STK32C: variants seen among roughly 807,000 people sequenced by gnomAD.
The protein encoded by STK32C is serine/threonine-protein kinase 32C.
STK32C carries 31 observed loss-of-function variants against 56.5 expected under a neutral mutation model. The ratio of observed to expected loss-of-function variants is 0.55; its 90% confidence interval spans 0.41 to 0.74. The LOEUF is 0.74. Among genes scored for constraint, STK32C ranks in the 30% least tolerant of loss-of-function variants. STK32C has a pLI of 0.00. For synonymous variants in STK32C, 309 were observed against 289.4 expected (o/e 1.07, Z -0.69); for missense variants, 544 against 676.9 (o/e 0.80, Z 2.18).
At chr10:132,316,193 A>T (rs1412494556) in intron 1 of STK32C, among the ~76,000 whole-genome samples, 1 of 152,218 alleles carries the variant, frequency 6.6e-6, no homozygotes, top group East Asian at 1.9e-4. Context: ...ATTAAAAAGA[A>T]AATAAATTGT....
intron 1 of STK32C, among the ~76,000 whole-genome samples, chr10:132,246,579 C>T (rs1034811582): frequency 1.3e-5 from 2 of 152,200 alleles, no homozygotes; most frequent in South Asian, 4.1e-4. Context: ...GTTCCGCAAG[C>T]CTGTGCGAAG....
At chr10:132,278,502 C>T (rs973040151) in intron 1 of STK32C, among the ~76,000 whole-genome samples, 2 of 152,168 alleles carry the variant, frequency 1.3e-5, no homozygotes, top group African/African-American at 4.8e-5. Context: ...TGGCTCACGC[C>T]TGTAATCCCA....
intron 2 of STK32C, among the ~76,000 whole-genome samples, chr10:132,235,502 A>G (rs1361424981): frequency 4.6e-5 from 7 of 151,074 alleles, no homozygotes; most frequent in African/African-American, 1.5e-4. Context: ...CTTAAAAAAA[A>G]AAAAAAAAAA....
intron 4 of STK32C, among the ~76,000 whole-genome samples, chr10:132,226,033 G>T (rs894079598): frequency 5.9e-5 from 9 of 152,232 alleles, no homozygotes; most frequent in African/African-American, 1.7e-4. Context: ...CCAGATGCTG[G>T]GAGGGGGCCT....
chr10:132,214,104 A>G (rs1050976052), intron 10 of STK32C, among the ~76,000 whole-genome samples: 1 of 150,518 alleles, frequency 6.6e-6, no homozygotes, highest in Admixed American at 6.7e-5. Flanking sequence ...TGAAATAATA[A>G]TGACTGGGAA....
At chr10:132,312,129 C>T (rs971690327), upstream of STK32C, among the ~76,000 whole-genome samples, 1 of 152,144 alleles carries the variant, frequency 6.6e-6, no homozygotes, top group East Asian at 1.9e-4. Flanking sequence ...ATCTCAGGCT[C>T]CTGAGTAGCT....
At chr10:132,237,191 ACTGTG>A (rs1392821744) in intron 2 of STK32C, among the ~76,000 whole-genome samples, 108 of 151,796 alleles carry the variant, frequency 7.1e-4, no homozygotes, top group Admixed American at 1.5e-3. Flanking sequence ...TGCTCCCTGG[ACTGTG>A]CTCCCTGGAC....
At chr10:132,308,756 T>A (rs1228666353), upstream of STK32C, among the ~76,000 whole-genome samples, 1 of 152,128 alleles carries the variant, frequency 6.6e-6, no homozygotes, top group Non-Finnish European at 1.5e-5. Flanking sequence ...GACAGGGGCC[T>A]CGGCACTCGG....
chr10:132,327,393 T>G (rs1355895699), intron 1 of STK32C, among the ~76,000 whole-genome samples: 3 of 152,252 alleles, frequency 2.0e-5, no homozygotes, highest in East Asian at 1.9e-4. Flanking sequence ...TATGTCCTTA[T>G]CAGCAGCATG....
intron 10 of STK32C, among the ~76,000 whole-genome samples, chr10:132,209,845 G>A (rs2062233856): frequency 6.6e-6 from 1 of 152,172 alleles, no homozygotes; most frequent in Non-Finnish European, 1.5e-5. Context: ...GGAGTCGCAG[G>A]CCTCGGGTGG....
intron 1 of STK32C, among the ~76,000 whole-genome samples, chr10:132,293,101 C>T (rs1004637599): frequency 1.8e-4 from 28 of 152,206 alleles, no homozygotes; most frequent in Admixed American, 1.4e-3. Flanking sequence ...ACGTGCGGGG[C>T]GGTCAGTGCA....
In STK32C at chr10:132,222,841, T is replaced by A; in HGVS notation, c.1119+20A>T. ...ACATCCATCCCCAGGGCCCCCCACC[T>A]GAGCCGCCCACAGGCTTACGTTGGG... On this transcript the variant is annotated intron_variant, in intron 9 of 11. Coordinates refer to ENST00000298630, the MANE Select transcript of STK32C (RefSeq NM_173575.4). 6.3e-7 allele frequency: 1 copy of A among 1,590,172 alleles called. No homozygotes were observed. The highest frequency in any genetic ancestry group is 1.7e-5 in the Admixed American group (1 of 57,398).
At chr10:132,309,282 T>G (rs2066174813), upstream of STK32C, among the ~76,000 whole-genome samples, 1 of 151,998 alleles carries the variant, frequency 6.6e-6, no homozygotes, top group South Asian at 2.1e-4. Context: ...GGAGCCCCCA[T>G]CCCTTGGGGA....
chr10:132,295,382 A>C (rs565590960), intron 1 of STK32C, among the ~76,000 whole-genome samples: 1 of 152,322 alleles, frequency 6.6e-6, no homozygotes, highest in South Asian at 2.1e-4. Flanking sequence ...GTGATCAGAA[A>C]CTCACAAGAG....
upstream of STK32C, among the ~76,000 whole-genome samples, chr10:132,310,384 T>G (rs1366509732): frequency 6.6e-6 from 1 of 152,236 alleles, no homozygotes; most frequent in Non-Finnish European, 1.5e-5. This position sits in a 1 kb window ranked among gnomAD's most constrained non-coding sequence, Gnocchi z 4.6. Context: ...GTGCAACTCT[T>G]GTACTGTCCA....
At chr10:132,225,362 A>G in intron 6 of STK32C, 26 bp from the exon 7 acceptor site, 1 of 1,597,820 alleles carries the variant, frequency 6.3e-7, no homozygotes, top group East Asian at 2.3e-5. Flanking sequence ...AAGGAAAAAC[A>G]GCTGCCACGG....
intron 1 of STK32C, among the ~76,000 whole-genome samples, chr10:132,267,574 CGTGT>C (rs374152472): frequency 5.6e-4 from 77 of 137,390 alleles, no homozygotes; most frequent in Admixed American, 1.5e-3. Flanking sequence ...AGTCCCACAT[CGTGT>C]GTGTGTCAGT....
chr10:132,279,252 G>A (rs7068992), intron 1 of STK32C, among the ~76,000 whole-genome samples: 18,763 of 152,146 alleles, frequency 0.12, 1,941 homozygotes, highest in African/African-American at 0.28. Context: ...TGGGCTACCC[G>A]TGTCCATAAC....
intron 1 of STK32C, among the ~76,000 whole-genome samples, chr10:132,253,460 G>GGAGGGAGCTGGAGGGAGTC (rs1204382955): frequency 2.1e-5 from 3 of 145,222 alleles, no homozygotes; most frequent in African/African-American, 5.2e-5. Context: ...CGAGGGAACT[G>GGAGGGAGCTGGAGGGAGTC]GAGGGAGCTG....
Sources: gnomAD v4.1 joint callset for allele counts (sites outside exome capture counted in the v4.1 genomes callset) on GRCh38, gnomAD v4.1.1 for gene constraint, Gnocchi (gnomAD v3.1) non-coding constraint, MANE v1.5 for transcripts, NCBI Gene and HGNC (gene_info 2026-07-23, HGNC 2026-07-21) for gene names.